GPSM2: variants seen among roughly 807,000 people sequenced by gnomAD.
The protein encoded by GPSM2 is G protein signaling modulator 2.
In GPSM2, 58 loss-of-function variants were observed where a neutral mutation model predicts 78.4. The ratio of observed to expected loss-of-function variants is 0.74; its 90% confidence interval spans 0.60 to 0.92. The LOEUF (loss-of-function observed/expected upper bound fraction) is 0.92, where lower values mean the gene tolerates loss of function less well. Among genes scored for constraint, GPSM2 ranks in the 40% least tolerant of loss-of-function variants. The pLI is 0.00. For missense variants in GPSM2, 700 were observed against 815.5 expected (o/e 0.86, Z 1.73); for synonymous variants, 224 against 280.2 (o/e 0.80, Z 2.00).
chr1:108,911,669 T>TA (rs1368869255), intron 10 of GPSM2, among the ~76,000 whole-genome samples: 1 of 152,132 alleles, frequency 6.6e-6, no homozygotes, highest in African/African-American at 2.4e-5. Context: ...TAGGTGTTTA[T>TA]AACAAGGCCT....
Position 108,903,107 on chromosome 1 carries a change from G to A in GPSM2, c.954-19G>A, listed in dbSNP as rs17030744. 5.5e-6 allele frequency: 8 copies of A among 1,442,862 alleles called. No individual in the cohort carries two copies. Among genetic ancestry groups the A allele is most frequent in the Admixed American group, 5.0e-5 (3 of 59,748 alleles). 89.4% of individuals were successfully genotyped at this position (1,442,862 alleles called of 1,614,324 possible). On this transcript the variant is annotated intron_variant, in intron 8 of 14. Transcript: ENST00000264126. The stretch of plus-strand genomic sequence containing the variant: ...CCTCTTTTCAAATAACTGCATGTTC[G>A]CTTTGAATAACGTTTTAGAATTGGT...
intron 13 of GPSM2, 127 bp from the exon 14 acceptor site, chr1:108,923,873 G>A: frequency 2.8e-6 from 2 of 714,856 alleles, no homozygotes; most frequent in South Asian, 3.1e-5. Context: ...GCTATAGCAG[G>A]AGGGCAGGGC....
At position 108,929,928 on chromosome 1, in the gene GPSM2, G is replaced by A. The variant is rs140949805; in HGVS notation, c.2043G>A (p.Ser681=). 1.3e-3 allele frequency: 2,083 copies of A among 1,613,254 alleles called. 4 individuals are homozygous for A. The highest frequency in any genetic ancestry group is 6.3e-3 in the Middle Eastern group (38 of 6,060). The part of the protein sequence containing the change: ...LLEFKNSGKK[S]ADH ...AGTTTAAAAATTCAGGGAAAAAATC[G>A]GCAGACCATTAGTTACTATGGATTT... Residue 681 remains serine (S), a synonymous_variant, in exon 15 of 15, where the codon TCG becomes TCA. Coordinates refer to ENST00000264126, the MANE Select transcript of GPSM2 (RefSeq NM_013296.5).
At chr1:108,903,504 C>T (rs59159928) in intron 9 of GPSM2, among the ~76,000 whole-genome samples, 1 of 152,240 alleles carries the variant, frequency 6.6e-6, no homozygotes, top group African/African-American at 2.4e-5. Context: ...CTACCCGCAT[C>T]TCTACATGGA....
At chr1:108,880,970 A>G (rs1055707336) in intron 1 of GPSM2, among the ~76,000 whole-genome samples, 8 of 152,232 alleles carry the variant, frequency 5.3e-5, no homozygotes, top group African/African-American at 1.9e-4. Context: ...GGAGTAAAGC[A>G]GGGCTAGGAT....
chr1:108,910,437 G>A (rs1649641344), intron 10 of GPSM2, among the ~76,000 whole-genome samples: 1 of 152,112 alleles, frequency 6.6e-6, no homozygotes, highest in Non-Finnish European at 1.5e-5. Flanking sequence ...ATCTTTCTGA[G>A]AACCATAACC....
intron 12 of GPSM2, among the ~76,000 whole-genome samples, chr1:108,921,125 G>A (rs1039890163): frequency 1.3e-5 from 2 of 152,062 alleles, no homozygotes; most frequent in Non-Finnish European, 1.5e-5. Context: ...GTGTCCCTCA[G>A]ATCTGCTCTC....
intron 14 of GPSM2, among the ~76,000 whole-genome samples, chr1:108,928,105 A>G (rs998797695): frequency 1.3e-5 from 2 of 152,278 alleles, no homozygotes; most frequent in Non-Finnish European, 2.9e-5. Context: ...ATCAAAGGAC[A>G]TTATCAACAG....
rs1651980128 is a variant in GPSM2, at chr1:108,931,575, G to C, written c.*1635G>C. On this transcript the variant is annotated 3_prime_UTR_variant, in exon 15 of 15. Coordinates refer to ENST00000264126, the MANE Select transcript of GPSM2 (RefSeq NM_013296.5). Reference sequence around the variant, plus strand: ...GGCAAATAGAACTATTTCTCTAATGGCCAATGTTTTTTAAGAGTCATAACC... The same window carrying C: ...GGCAAATAGAACTATTTCTCTAATGCCCAATGTTTTTTAAGAGTCATAACC... 4.2e-6 allele frequency: 6 copies of C among 1,435,112 alleles called. No individual in the cohort carries two copies. The highest frequency in any genetic ancestry group is 2.9e-5 in the South Asian group (2 of 67,938). 88.9% of individuals were successfully genotyped at this position (1,435,112 alleles called of 1,614,324 possible). A position where few individuals can be genotyped will look rare whatever the true frequency, so the allele number is the denominator to read the frequency against.
chr1:108,928,409 GAAATTATC>G (rs778782898), intron 14 of GPSM2, among the ~76,000 whole-genome samples: 6 of 152,140 alleles, frequency 3.9e-5, no homozygotes, highest in Non-Finnish European at 8.8e-5. Flanking sequence ...GGAGGACATT[GAAATTATC>G]AATTTATGAC....
intron 11 of GPSM2, among the ~76,000 whole-genome samples, chr1:108,917,616 ATATATATATAT>A (rs1174884991): frequency 1.0e-3 from 4 of 3,900 alleles, no homozygotes; most frequent in Admixed American, 8.0e-3. Context: ...ACACACATAT[ATATATATATAT>A]ATATATATAT....
intron 2 of GPSM2, among the ~76,000 whole-genome samples, chr1:108,887,187 C>T (rs866161450): frequency 2.0e-5 from 3 of 152,102 alleles, no homozygotes; most frequent in Non-Finnish European, 4.4e-5. Flanking sequence ...CAAGCCCGGC[C>T]GGAAATCTAA....
chr1:108,892,313 C>T (rs974442948), intron 2 of GPSM2, among the ~76,000 whole-genome samples: 1 of 152,044 alleles, frequency 6.6e-6, no homozygotes, highest in Non-Finnish European at 1.5e-5. Context: ...CACTGACGTC[C>T]TGTGAACACG....
intron 1 of GPSM2, among the ~76,000 whole-genome samples, chr1:108,881,402 A>G (rs939961744): frequency 6.6e-6 from 1 of 152,184 alleles, no homozygotes; most frequent in Admixed American, 6.5e-5. Flanking sequence ...AAATTTTCTT[A>G]TCCTAATGAT....
chr1:108,895,403 C>T (rs906538522), intron 2 of GPSM2, among the ~76,000 whole-genome samples: 5 of 149,880 alleles, frequency 3.3e-5, no homozygotes, highest in African/African-American at 5.0e-5. Context: ...TTAATAATTT[C>T]ATATTTGTTT....
chr1:108,923,974 C>A, intron 13 of GPSM2, 26 bp from the exon 14 acceptor site: 1 of 1,470,220 alleles, frequency 6.8e-7, no homozygotes, highest in Non-Finnish European at 9.5e-7. Context: ...TTTTTTTAAT[C>A]TTTGGCTTTC....
intron 2 of GPSM2, among the ~76,000 whole-genome samples, chr1:108,896,076 C>A (rs948698832): frequency 1.3e-5 from 2 of 152,148 alleles, no homozygotes; most frequent in Non-Finnish European, 2.9e-5. Context: ...AACACAATGG[C>A]AACTTTGGTG....
chr1:108,882,757 G>A (rs1046994499), intron 1 of GPSM2: 26 of 152,260 alleles, frequency 1.7e-4, no homozygotes, highest in African/African-American at 6.0e-4. Context: ...TGGAGCTATT[G>A]CAATGAGTAT....
intron 14 of GPSM2, chr1:108,927,019 T>C (rs551247146): frequency 1.3e-5 from 2 of 152,246 alleles, no homozygotes; most frequent in East Asian, 1.9e-4. Context: ...ACACTAACAA[T>C]GAACAATTGG....
Sources: allele counts gnomAD v4.1 joint callset (sites outside exome capture counted in the v4.1 genomes callset), GRCh38; gene constraint gnomAD v4.1.1; transcripts MANE v1.5; gene names NCBI Gene and HGNC (gene_info 2026-07-23, HGNC 2026-07-21).